The following ART3 variants were observed in gnomAD, a reference collection of about 807,000 sequenced individuals.
ART3 encodes ecto-ADP-ribosyltransferase 3.
Under a neutral mutation model 48.5 loss-of-function variants are expected in ART3, and 49 were observed. The observed-to-expected ratio is 1.01, with a 90% CI of 0.80 to 1.28. The LOEUF is 1.28. Among genes scored for constraint, ART3 ranks in the 50% most tolerant of loss-of-function variants. The probability of loss-of-function intolerance (pLI) is 0.00; values close to 1 mark genes in which losing one functional copy is unlikely to be tolerated. For missense variants in ART3, 438 were observed against 454.3 expected, an observed-to-expected ratio of 0.96 and a Z score of 0.33; for synonymous variants, 145 against 157.2, an observed-to-expected ratio of 0.92 and a Z score of 0.58.
At chr4:76,038,439 G>C (rs142794476) in intron 1 of ART3, among the ~76,000 whole-genome samples, 23 of 152,226 alleles carry the variant, frequency 1.5e-4, no homozygotes, top group African/African-American at 5.3e-4. Flanking sequence ...GGGGGCTACT[G>C]TATTTTAATT....
intron 1 of ART3, chr4:76,023,230 C>G (rs1490941618): frequency 3.0e-6 from 2 of 668,254 alleles, no homozygotes; most frequent in Non-Finnish European, 5.2e-6. Flanking sequence ...GTTTTATGAT[C>G]TGAGGGAATC....
chr4:76,089,962 C>G (rs1330000147), intron 3 of ART3, among the ~76,000 whole-genome samples: 1 of 152,110 alleles, frequency 6.6e-6, no homozygotes, highest in Non-Finnish European at 1.5e-5. Flanking sequence ...TACCTGTAGT[C>G]CCAGCTACTC....
At chr4:76,076,844 T>A (rs1016159625) in intron 2 of ART3, among the ~76,000 whole-genome samples, 4 of 152,208 alleles carry the variant, frequency 2.6e-5, no homozygotes, top group African/African-American at 9.7e-5. Flanking sequence ...TCACTTGATT[T>A]TTTTTCCCCA....
intron 1 of ART3, among the ~76,000 whole-genome samples, chr4:76,023,926 T>C (rs1273873115): frequency 6.6e-6 from 1 of 152,222 alleles, no homozygotes; most frequent in Non-Finnish European, 1.5e-5. Context: ...AAGTTGTGCC[T>C]GATTATTAGA....
At chr4:76,085,363 T>C (rs1046338625) in intron 3 of ART3, among the ~76,000 whole-genome samples, 2 of 152,142 alleles carry the variant, frequency 1.3e-5, no homozygotes, top group African/African-American at 2.4e-5. Flanking sequence ...GATGTCTGGG[T>C]AGGGACAGAT....
At chr4:76,019,139 G>T (rs1298217192) in intron 1 of ART3, among the ~76,000 whole-genome samples, 1 of 151,308 alleles carries the variant, frequency 6.6e-6, no homozygotes, top group Middle Eastern at 3.2e-3. Flanking sequence ...TGAAAAAAAT[G>T]GCCCCACCAA....
At chr4:76,022,319 T>G (rs573246567) in intron 1 of ART3, 1 of 1,473,044 alleles carries the variant, frequency 6.8e-7, no homozygotes, top group East Asian at 2.3e-5. Context: ...CTCCCAAGAT[T>G]GCCGTTTCCT....
intron 1 of ART3, among the ~76,000 whole-genome samples, chr4:76,024,564 C>CA (rs1733194942): frequency 6.6e-6 from 1 of 152,148 alleles, no homozygotes; most frequent in Admixed American, 6.6e-5. Context: ...ACATGATACT[C>CA]ATATAATGGA....
At chr4:76,016,885 A>G (rs1732316594) in intron 1 of ART3, among the ~76,000 whole-genome samples, 2 of 152,170 alleles carry the variant, frequency 1.3e-5, no homozygotes, top group South Asian at 2.1e-4. Flanking sequence ...CAGACAGGCT[A>G]CCTAACACCA....
chr4:76,059,253 G>T (rs370685982), intron 1 of ART3, among the ~76,000 whole-genome samples: 3 of 152,126 alleles, frequency 2.0e-5, no homozygotes, highest in African/African-American at 7.2e-5. Context: ...CAGACTTTTT[G>T]GTTGCCTTTG....
chr4:76,013,412 G>T (rs991584819), intron 1 of ART3, among the ~76,000 whole-genome samples: 3 of 151,834 alleles, frequency 2.0e-5, no homozygotes, highest in African/African-American at 7.3e-5. Context: ...TTTAACTAAG[G>T]GAATAACATG....
chr4:76,094,092 A>C (rs1247615590), intron 3 of ART3, among the ~76,000 whole-genome samples: 4 of 152,198 alleles, frequency 2.6e-5, no homozygotes, highest in African/African-American at 9.7e-5. Flanking sequence ...ATATAGTGAG[A>C]AGGTGGCTAT....
intron 8 of ART3, among the ~76,000 whole-genome samples, chr4:76,102,427 T>A (rs73826318): frequency 0.041 from 6,243 of 152,264 alleles, 389 homozygotes; most frequent in African/African-American, 0.13. Flanking sequence ...GTTGGGGCCT[T>A]CTGCAGAAAC....
At chr4:76,103,718 C>A (rs192123042) in intron 8 of ART3, among the ~76,000 whole-genome samples, 1 of 151,988 alleles carries the variant, frequency 6.6e-6, no homozygotes, top group South Asian at 2.1e-4. Flanking sequence ...CGGGTTAGAT[C>A]GTGGAAGTTC....
intron 3 of ART3, among the ~76,000 whole-genome samples, chr4:76,091,935 A>C (rs1294188383): frequency 2.0e-5 from 3 of 152,146 alleles, no homozygotes; most frequent in African/African-American, 7.2e-5. Context: ...CACCTGCCTC[A>C]GCCTCCCAAA....
chr4:76,104,477 A>G lies in ART3; in HGVS notation c.971-120A>G, dbSNP rs1343217501. On this transcript the variant is annotated intron_variant, in intron 9 of 11. Transcript: ENST00000355810. Reference sequence around the variant, plus strand: ...AAGCAGAACTTTTAAATAAAAAGCCAGAAACTATAGTGCATTGGGGCCTTG... The same window carrying G: ...AAGCAGAACTTTTAAATAAAAAGCCGGAAACTATAGTGCATTGGGGCCTTG... 6.7e-6 allele frequency: 10 copies of G among 1,488,474 alleles called. No homozygotes were observed. The East Asian group carries it at 1.2e-4, about 18-fold the overall frequency. The allele number at this position is 1,488,474 out of a possible 1,614,324, so 92.2% of individuals were successfully genotyped here. A position where few individuals can be genotyped will look rare whatever the true frequency, so the allele number is the denominator to read the frequency against.
chr4:76,067,040 C>A (rs539739100), intron 1 of ART3, among the ~76,000 whole-genome samples: 120 of 152,354 alleles, frequency 7.9e-4, no homozygotes, highest in African/African-American at 2.0e-3. Context: ...GTGGAACAGG[C>A]AGCCCTGGCC....
intron 1 of ART3, chr4:76,075,320 TG>T (rs1720814546): frequency 6.6e-6 from 1 of 152,418 alleles, no homozygotes; most frequent in Admixed American, 6.5e-5. Context: ...TGATTGTATT[TG>T]GGGGAAGGGG....
chr4:76,100,659 T>C, intron 6 of ART3, 136 bp from the exon 7 acceptor site: 1 of 1,002,816 alleles, frequency 1.0e-6, no homozygotes, highest in Non-Finnish European at 1.5e-6. Context: ...TTCTGGGGGC[T>C]TGCATTTTGC....
Sources: gnomAD v4.1 joint callset for allele counts (sites outside exome capture counted in the v4.1 genomes callset) on GRCh38, gnomAD v4.1.1 for gene constraint, MANE v1.5 for transcripts, NCBI Gene and HGNC (gene_info 2026-07-23, HGNC 2026-07-21) for gene names.